Variants in HORMAD2 observed in about 807,000 individuals in gnomAD.
HORMAD2 encodes HORMA domain containing 2, also known as HORMA domain-containing protein 2.
HORMAD2 carries 45 observed loss-of-function variants against 38.8 expected under a neutral mutation model. The observed-to-expected ratio is 1.16, with a 90% confidence interval of 0.91 to 1.49. The LOEUF is 1.49. Ranked by LOEUF, HORMAD2 falls within the 40% of genes most tolerant of loss-of-function variation. HORMAD2 has a pLI of 0.00. For missense variants in HORMAD2, 338 were observed against 367.0 expected (o/e 0.92, Z 0.65); for synonymous variants, 126 against 122.8 (o/e 1.03, Z -0.17).
intron 10 of HORMAD2, among the ~76,000 whole-genome samples, chr22:30,164,132 T>C (rs1344193122): frequency 6.6e-6 from 1 of 152,212 alleles, no homozygotes; most frequent in Non-Finnish European, 1.5e-5. Flanking sequence ...TCAGAATATC[T>C]TTCCTTTTAA....
chr22:30,142,866 A>G (rs1772782541), intron 10 of HORMAD2, among the ~76,000 whole-genome samples: 2 of 152,088 alleles, frequency 1.3e-5, no homozygotes, highest in African/African-American at 4.8e-5. Context: ...AGGGCTTATC[A>G]TGCACATCCT....
rs139262402 is a variant in HORMAD2, at chr22:30,097,763, A to G, written c.52-1089A>G. Among the ~76,000 whole-genome samples the G allele has an allele frequency of 3.1e-3, 467 of 152,324 alleles. 9 individuals carry two copies. Among genetic ancestry groups the G allele is most frequent in the African/African-American group, 0.011 (451 of 41,576 alleles). ...TCTCTCCTGGATGAACACTGGCAGTATCATGATAAGATTTGTATCCTTGAA... is the reference window on the plus strand; with the variant it reads ...TCTCTCCTGGATGAACACTGGCAGTGTCATGATAAGATTTGTATCCTTGAA... On this transcript the variant is annotated intron_variant, in intron 2 of 10. Transcript: ENST00000336726.
At chr22:30,090,480 A>C (rs2068662919) in intron 1 of HORMAD2, among the ~76,000 whole-genome samples, 3 of 152,250 alleles carry the variant, frequency 2.0e-5, no homozygotes, top group Admixed American at 6.5e-5. Context: ...CTTTTGGCTA[A>C]TATGAATTAT....
intron 10 of HORMAD2, among the ~76,000 whole-genome samples, chr22:30,126,698 T>G (rs1922892401): frequency 6.6e-6 from 1 of 152,206 alleles, no homozygotes; most frequent in African/African-American, 2.4e-5. Context: ...GGGAATAGAA[T>G]TACTAGGAGT....
At chr22:30,139,740 T>C (rs1336477253) in intron 10 of HORMAD2, among the ~76,000 whole-genome samples, 1 of 152,186 alleles carries the variant, frequency 6.6e-6, no homozygotes, top group African/African-American at 2.4e-5. Flanking sequence ...CTTTGTTATG[T>C]TGAAGAAGTT....
At chr22:30,163,470 G>A (rs1009462330) in intron 10 of HORMAD2, among the ~76,000 whole-genome samples, 4 of 152,052 alleles carry the variant, frequency 2.6e-5, no homozygotes, top group Admixed American at 2.6e-4. Flanking sequence ...TGTTGCCCAG[G>A]CCACAGTGCA....
At chr22:30,116,005 A>T (rs2146117980) in intron 7 of HORMAD2, among the ~76,000 whole-genome samples, 1 of 152,330 alleles carries the variant, frequency 6.6e-6, no homozygotes, top group South Asian at 2.1e-4. Flanking sequence ...CTTACTAGCT[A>T]CATCAATAAT....
chr22:30,081,336 G>C (rs2068470441), intron 1 of HORMAD2: 1 of 152,176 alleles, frequency 6.6e-6, no homozygotes, highest in Admixed American at 6.5e-5. Context: ...GATGTTGAAT[G>C]AATGAATAAT....
intron 10 of HORMAD2, among the ~76,000 whole-genome samples, chr22:30,124,865 G>C (rs747774284): frequency 6.6e-6 from 1 of 152,068 alleles, no homozygotes; most frequent in Non-Finnish European, 1.5e-5. Context: ...CAAAGTGGTC[G>C]TACCAACTTA....
intron 10 of HORMAD2, among the ~76,000 whole-genome samples, chr22:30,164,655 T>C (rs1348056152): frequency 6.6e-6 from 1 of 152,104 alleles, no homozygotes; most frequent in Non-Finnish European, 1.5e-5. Context: ...TTTTGTTTGT[T>C]TTTTTGCTGG....
intron 7 of HORMAD2, among the ~76,000 whole-genome samples, chr22:30,115,971 T>G (rs1922013288): frequency 6.6e-6 from 1 of 152,214 alleles, no homozygotes; most frequent in Non-Finnish European, 1.5e-5. Context: ...TCACAGGCAT[T>G]GGCGTCAAAT....
chr22:30,086,450 G>A (rs1399597653), intron 1 of HORMAD2, among the ~76,000 whole-genome samples: 1 of 152,150 alleles, frequency 6.6e-6, no homozygotes, highest in African/African-American at 2.4e-5. Context: ...TAGTCCTTTG[G>A]GGTAAAGAAG....
chr22:30,097,217 CAT>C (rs1411727591), intron 2 of HORMAD2, among the ~76,000 whole-genome samples: 1 of 152,090 alleles, frequency 6.6e-6, no homozygotes, highest in South Asian at 2.1e-4. Context: ...GTATGTCAAA[CAT>C]ATGTTGAAAT....
the HORMAD2 span, among the ~76,000 whole-genome samples, chr22:30,195,431 TAAG>T: frequency 6.6e-6 from 1 of 152,124 alleles, no homozygotes; most frequent in Non-Finnish European, 1.5e-5. Flanking sequence ...CTCTCTCAGA[TAAG>T]AAGGATTCAC....
chr22:30,172,017 G>A (rs751024434), intron 10 of HORMAD2, among the ~76,000 whole-genome samples: 14 of 152,154 alleles, frequency 9.2e-5, no homozygotes, highest in Non-Finnish European at 1.6e-4. Flanking sequence ...AGGTCTAGTA[G>A]CTCCTCAAAC....
chr22:30,147,118 G>T (rs1233002945), intron 10 of HORMAD2, among the ~76,000 whole-genome samples: 1 of 152,096 alleles, frequency 6.6e-6, no homozygotes, highest in Non-Finnish European at 1.5e-5. Context: ...TCCCCAAATT[G>T]ATCTATACAT....
At chr22:30,134,291 C>A (rs1295233765) in intron 10 of HORMAD2, among the ~76,000 whole-genome samples, 1 of 151,054 alleles carries the variant, frequency 6.6e-6, no homozygotes, top group South Asian at 2.1e-4. Context: ...CCCAACTACT[C>A]GGTAGGCTGA....
chr22:30,170,916 A>T (rs541429514), intron 10 of HORMAD2, among the ~76,000 whole-genome samples: 7 of 152,294 alleles, frequency 4.6e-5, no homozygotes, highest in Admixed American at 4.6e-4. Context: ...GGTGAAATCA[A>T]GTGGACATAT....
At chr22:30,123,187 G>T (rs1253370957) in intron 10 of HORMAD2, among the ~76,000 whole-genome samples, 1 of 152,038 alleles carries the variant, frequency 6.6e-6, no homozygotes. Flanking sequence ...TAAATTTTTA[G>T]TGCTTTCTCG....
Sources: gnomAD v4.1 joint callset for allele counts (sites outside exome capture counted in the v4.1 genomes callset) on GRCh38, gnomAD v4.1.1 for gene constraint, MANE v1.5 for transcripts, NCBI Gene and HGNC (gene_info 2026-07-23, HGNC 2026-07-21) for gene names.